AADACL3: variants seen among roughly 807,000 people sequenced by gnomAD.
The protein encoded by AADACL3 is arylacetamide deacetylase like 3.
A neutral mutation model predicts 13.6 loss-of-function variants in AADACL3; 13 were observed. The ratio of observed to expected loss-of-function variants is 0.95; its 90% CI spans 0.62 to 1.52. The LOEUF is 1.52. Among genes scored for constraint, AADACL3 ranks in the 40% most tolerant of loss-of-function variants. The pLI, the probability that AADACL3 is intolerant of heterozygous loss-of-function variation, is 0.00. For synonymous variants in AADACL3, 195 were observed against 197.0 expected (o/e 0.99, Z 0.08); for missense variants, 519 against 499.2 (o/e 1.04, Z -0.38).
rs776201280 is a variant in AADACL3, at chr1:12,726,030, A to C, written c.*34A>C. The C allele has an allele frequency of 6.4e-7, 1 of 1,570,764 alleles. No homozygotes were observed. The highest frequency in any genetic ancestry group is 2.2e-5 in the East Asian group (1 of 44,542). ...CTTCTCTGCTGGTACTGCGGTGTGG[A>C]TTCCACTGGCATCCAGCCTCCCACA... On this transcript the variant is annotated 3_prime_UTR_variant, in exon 4 of 4. Transcript: ENST00000359318.
intron 3 of AADACL3, among the ~76,000 whole-genome samples, chr1:12,723,495 T>G (rs979871336): frequency 9.9e-5 from 15 of 152,188 alleles, no homozygotes; most frequent in African/African-American, 3.6e-4. Context: ...TTTTTGTTTT[T>G]GAGATGGGAT....
chr1:12,717,659 G>A (rs1648468736), intron 1 of AADACL3, among the ~76,000 whole-genome samples: 1 of 152,200 alleles, frequency 6.6e-6, no homozygotes, highest in Non-Finnish European at 1.5e-5. Context: ...CAGCGGGGAA[G>A]TGGTCTATAA....
intron 3 of AADACL3, among the ~76,000 whole-genome samples, chr1:12,722,325 T>TGAA (rs1638274312): frequency 1.7e-5 from 1 of 58,822 alleles, no homozygotes; most frequent in Non-Finnish European, 3.2e-5. Flanking sequence ...AGATTCCGTC[T>TGAA]GAAAAAAAAA....
intron 2 of AADACL3, 141 bp downstream of exon 2, chr1:12,719,832 A>AGG: frequency 1.2e-6 from 1 of 800,326 alleles, no homozygotes; most frequent in African/African-American, 1.7e-5. Context: ...CAGATCATTG[A>AGG]GGGGGCAAAA....
chr1:12,725,105 A>T, intron 3 of AADACL3, 117 bp from the exon 4 acceptor site: 1 of 1,145,380 alleles, frequency 8.7e-7, no homozygotes, highest in Non-Finnish European at 1.2e-6. Flanking sequence ...ACCTAACTTT[A>T]ACTGCTCAAG....
intron 1 of AADACL3, among the ~76,000 whole-genome samples, chr1:12,718,338 C>T (rs1648483321): frequency 9.3e-6 from 1 of 107,692 alleles, no homozygotes; most frequent in Admixed American, 1.3e-4. Context: ...GCCTGGGTGA[C>T]ATAATGAGGC....
At chr1:12,716,498 T>C (rs1244983061) in intron 1 of AADACL3, among the ~76,000 whole-genome samples, 154 bp downstream of exon 1, 1 of 152,154 alleles carries the variant, frequency 6.6e-6, no homozygotes. Flanking sequence ...ATAATCCCTA[T>C]TAGGTGGTTC....
chr1:12,717,312 C>T (rs1307972605), intron 1 of AADACL3, among the ~76,000 whole-genome samples: 2 of 152,154 alleles, frequency 1.3e-5, no homozygotes, highest in African/African-American at 4.8e-5. Flanking sequence ...TTTTCCTACC[C>T]TTGATGCTCA....
Position 12,728,298 on chromosome 1 carries a change from T to C in AADACL3, c.*2302T>C, listed in dbSNP as rs1451105907. On this transcript the variant is annotated 3_prime_UTR_variant, in exon 4 of 4. Coordinates refer to ENST00000359318, the MANE Select transcript of AADACL3 (RefSeq NM_001103170.3). ...TACAGAGTAGGTACAGACATACCTA[T>C]GGATATTGCAGATTCAGTTCCAGAC... 6.6e-6 allele frequency: 1 copy of C among 152,242 alleles called. No homozygotes were observed. Among genetic ancestry groups the C allele is most frequent in the Non-Finnish European group, 1.5e-5 (1 of 68,046 alleles). 9.4% of individuals were successfully genotyped at this position (152,242 alleles called of 1,614,324 possible).
At chr1:12,716,936 T>C (rs772316633) in intron 1 of AADACL3, among the ~76,000 whole-genome samples, 3 of 152,158 alleles carry the variant, frequency 2.0e-5, no homozygotes, top group African/African-American at 4.8e-5. Flanking sequence ...TTTAAAAATA[T>C]GTTGTTGCTT....
chr1:12,724,836 T>A (rs1437954438), intron 3 of AADACL3, among the ~76,000 whole-genome samples: 1 of 152,198 alleles, frequency 6.6e-6, no homozygotes, highest in Non-Finnish European at 1.5e-5. Context: ...TCTGTAGGTA[T>A]GGCATGATTA....
chr1:12,725,477 T>C lies in AADACL3; in HGVS notation c.705T>C (p.Phe235=). 1 of 1,613,996 alleles carries C rather than the reference T, an allele frequency of 6.2e-7. No individual in the cohort carries two copies. Among genetic ancestry groups the C allele is most frequent in the South Asian group, 1.1e-5 (1 of 91,042 alleles). Residue 235 remains phenylalanine, a synonymous_variant, in exon 4 of 4, where the codon TTT becomes TTC. Coordinates refer to ENST00000359318, the MANE Select transcript of AADACL3 (RefSeq NM_001103170.3). ...LQALDLQTPS[F]QQRKNIPLLT... ...CCCTGGATTTACAAACCCCTTCGTT[T>C]CAACAGAGGAAAAACATCCCACTGC...
Position 12,725,746 on chromosome 1 carries a change from C to T in AADACL3, c.974C>T (p.Pro325Leu), listed in dbSNP as rs868224597. 2 of 1,613,966 alleles carry T rather than the reference C, an allele frequency of 1.2e-6. No individual in the cohort carries two copies. Among genetic ancestry groups the T allele is most frequent in the African/African-American group, 1.3e-5 (1 of 74,884 alleles). Reference sequence around the variant, plus strand: ...GTTGTCCTGGATGTGATGTGCTCGCCCCTGATTGCAGAAGATGACATAGTG... The same window carrying T: ...GTTGTCCTGGATGTGATGTGCTCGCTCCTGATTGCAGAAGATGACATAGTG... ...VSVVLDVMCSPLIAEDDIVSQ... is the reference protein window; with the variant it reads ...VSVVLDVMCSLLIAEDDIVSQ... Residue 325 changes from proline (P) to leucine (L), a missense_variant, in exon 4 of 4, where the codon CCC becomes CTC. By Grantham distance (98) the Pro-to-Leu change is moderately conservative (BLOSUM62 -3). Transcript: ENST00000359318.
intron 1 of AADACL3, 47 bp downstream of exon 1, chr1:12,716,391 G>A (rs953059133): frequency 1.9e-6 from 3 of 1,613,438 alleles, no homozygotes; most frequent in Non-Finnish European, 8.5e-7. Flanking sequence ...CATTAAGGAA[G>A]GCGGCAGGAA....
Position 12,725,647 on chromosome 1 carries a change from A to G in AADACL3, c.875A>G (p.Glu292Gly). The change falls in exon 4 of 4, where the codon GAG becomes GGG. Residue 292 changes from glutamate (E) to glycine (G), a missense_variant. By Grantham distance (98) the Glu-to-Gly change is moderately conservative. Coordinates refer to ENST00000359318, the MANE Select transcript of AADACL3 (RefSeq NM_001103170.3). ...TGGTTGGGCCCAGAAAACATCCCTGAGAGGTTTAAGGAGAGGGGTTACCAA... is the reference window on the plus strand; with the variant it reads ...TGGTTGGGCCCAGAAAACATCCCTGGGAGGTTTAAGGAGAGGGGTTACCAA... ...RKWLGPENIP[E>G]RFKERGYQLK... 1.2e-6 allele frequency: 2 copies of G among 1,614,072 alleles called. No individual in the cohort carries two copies. Among genetic ancestry groups the G allele is most frequent in the Non-Finnish European group, 1.7e-6 (2 of 1,179,992 alleles).
At chr1:12,716,411 A>G in intron 1 of AADACL3, 67 bp downstream of exon 1, 1 of 1,600,706 alleles carries the variant, frequency 6.2e-7, no homozygotes, top group Non-Finnish European at 8.6e-7. Flanking sequence ...AAAATCACAC[A>G]CCGGAAGCTT....
intron 1 of AADACL3, among the ~76,000 whole-genome samples, 152 bp from the exon 2 acceptor site, chr1:12,719,323 G>T (rs1353255284): frequency 6.6e-6 from 1 of 152,174 alleles, no homozygotes; most frequent in Non-Finnish European, 1.5e-5. Flanking sequence ...TGTCCTGAGG[G>T]AACTGAGGGC....
rs180881839 is a variant in AADACL3, at chr1:12,719,669, C to T, written c.363C>T (p.Gly121=). The T allele has an allele frequency of 4.6e-5, 75 of 1,613,990 alleles. No homozygotes were observed. Among genetic ancestry groups the T allele is most frequent in the Non-Finnish European group, 5.8e-5 (68 of 1,179,984 alleles). The change falls in exon 2 of 4, where the codon GGC becomes GGT. Residue 121 remains glycine, a synonymous_variant. Transcript: ENST00000359318. ...CTGGCATCGTGTACTACCACGGTGG[C>T]GGGGGCGTCATGGGGAGTTTGAGTA... ...LKPGIVYYHG[G]GGVMGSLKTH... is the part of the protein sequence containing the mutation.
At chr1:12,716,914 A>G (rs951867811) in intron 1 of AADACL3, among the ~76,000 whole-genome samples, 11 of 152,206 alleles carry the variant, frequency 7.2e-5, no homozygotes. Flanking sequence ...GAGCAAAATT[A>G]CAGAATGTGA....
Sources: allele counts gnomAD v4.1 joint callset (sites outside exome capture counted in the v4.1 genomes callset), GRCh38; gene constraint gnomAD v4.1.1; transcripts MANE v1.5; gene names NCBI Gene and HGNC (gene_info 2026-07-23, HGNC 2026-07-21).